The following CCDC134 variants were observed in gnomAD, a reference collection of about 807,000 sequenced individuals.
CCDC134 encodes the protein coiled-coil domain containing 134.
Under a neutral mutation model 25.6 loss-of-function variants are expected in CCDC134, and 27 were observed. The ratio of observed to expected loss-of-function variants is 1.05; its 90% confidence interval spans 0.78 to 1.45. CCDC134 has a LOEUF of 1.45. Among genes scored for constraint, CCDC134 ranks in the 40% most tolerant of loss-of-function variants. The pLI is 0.00. For missense variants in CCDC134, 261 were observed against 286.7 expected (o/e 0.91, Z 0.65); for synonymous variants, 110 against 115.0 (o/e 0.96, Z 0.28).
In CCDC134 at chr22:41,830,954, C is replaced by G. The variant is rs780582282; in HGVS notation, c.*5131C>G. Among the ~76,000 whole-genome samples, 1 of 142,034 alleles carries G rather than the reference C, an allele frequency of 7.0e-6. No homozygotes were observed. The highest frequency in any genetic ancestry group is 1.5e-5 in the Non-Finnish European group (1 of 67,168). 93.2% of individuals were successfully genotyped at this position (142,034 alleles called of 152,430 possible). Reference sequence around the variant, plus strand: ...AGGCTGGAGTGCAATGGCGCGATCTCTGCTCACCGTAACTTCTGCCTCCCG... The same window carrying G: ...AGGCTGGAGTGCAATGGCGCGATCTGTGCTCACCGTAACTTCTGCCTCCCG... On this transcript the variant is annotated 3_prime_UTR_variant, in exon 7 of 7. Transcript: ENST00000255784.
At chr22:41,812,354 G>A (rs748683745) in intron 4 of CCDC134, among the ~76,000 whole-genome samples, 3 of 151,150 alleles carry the variant, frequency 2.0e-5, no homozygotes, top group Admixed American at 6.6e-5. Flanking sequence ...CCCGCGAGGC[G>A]GAGGTTGCAG....
rs754418819 is a variant in CCDC134 at position 41,808,860 on chromosome 22, G to C, written c.-16-15G>C. The C allele has an allele frequency of 4.5e-6, 7 of 1,569,758 alleles. No individual in the cohort carries two copies. The highest frequency in any genetic ancestry group is 6.1e-6 in the Non-Finnish European group (7 of 1,139,890). Reference sequence around the variant, plus strand: ...TCTCTGAGTCTCACTCTCTTTCTTTGGGTTATTCTTCCAGCTCAAGAGGTT... The same window carrying C: ...TCTCTGAGTCTCACTCTCTTTCTTTCGGTTATTCTTCCAGCTCAAGAGGTT... On this transcript the variant is annotated splice_polypyrimidine_tract_variant and intron_variant, in intron 1 of 6. Coordinates refer to ENST00000255784, the MANE Select transcript of CCDC134 (RefSeq NM_024821.5).
At position 41,825,807 on chromosome 22, in the gene CCDC134, C is replaced by G. The variant is rs200759493; in HGVS notation, c.674C>G (p.Ser225Cys). The G allele has an allele frequency of 6.2e-7, 1 of 1,614,154 alleles. No homozygotes were observed. Among genetic ancestry groups the G allele is most frequent in the African/African-American group, 1.3e-5 (1 of 75,060 alleles). Residue 225 changes from serine (S) to cysteine (C), a missense_variant, in exon 7 of 7, where the codon TCC (serine) becomes TGC (cysteine). By Grantham distance (112) the Ser-to-Cys change is moderately radical. Transcript: ENST00000255784. The surrounding 1 kb of genome is among the most constrained non-coding windows in gnomAD (Gnocchi z 4.4). ...EIRKGPRISR[S>C]QSEL is the part of the protein sequence containing the mutation. ...CGAAAAGGCCCAAGGATCTCCAGAT[C>G]CCAGTCTGAGTTATAGCCCTGGAGC...
intron 6 of CCDC134, among the ~76,000 whole-genome samples, chr22:41,814,226 G>A (rs1353895096): frequency 1.3e-5 from 2 of 152,146 alleles, no homozygotes; most frequent in Admixed American, 1.3e-4. Flanking sequence ...AGGGGTTCCA[G>A]GGGGCTGAGG....
rs1602247399 is a variant in CCDC134, at chr22:41,825,289, C to A, written c.565-409C>A. The stretch of plus-strand genomic sequence containing the variant: ...CGCCAATGAAGTCCTCATCCTCCAC[C>A]CCCCCACTTGCCTTGTCATCTGTGA... On this transcript the variant is annotated intron_variant, in intron 6 of 6. Coordinates refer to ENST00000255784, the MANE Select transcript of CCDC134 (RefSeq NM_024821.5). This position sits in a 1 kb window ranked among gnomAD's most constrained non-coding sequence, Gnocchi z 4.4. 6.6e-6 allele frequency among the ~76,000 whole-genome samples: 1 copy of A among 151,914 alleles called. No homozygotes were observed. The highest frequency in any genetic ancestry group is 1.9e-4 in the East Asian group (1 of 5,158).
Position 41,831,600 on chromosome 22 carries a change from A to G in CCDC134, c.*5777A>G, listed in dbSNP as rs2076711242. ...TCCTCCTGCCTCGAGGCCTTTGTCC[A>G]TGTCATCATTTCCCCTTTGGCTGTA... On this transcript the variant is annotated 3_prime_UTR_variant, in exon 7 of 7. Coordinates refer to ENST00000255784, the MANE Select transcript of CCDC134 (RefSeq NM_024821.5). 6.6e-6 allele frequency: 1 copy of G among 152,210 alleles called. No homozygotes were observed. The highest frequency in any genetic ancestry group is 1.5e-5 in the Non-Finnish European group (1 of 68,044). The allele number at this position is 152,210 out of a possible 1,614,324, so 9.4% of individuals were successfully genotyped here.
intron 5 of CCDC134, 143 bp downstream of exon 5, chr22:41,813,588 G>GCCCC (rs2076608166): frequency 8.2e-7 from 1 of 1,222,492 alleles, no homozygotes; most frequent in Non-Finnish European, 1.2e-6. Flanking sequence ...GGCCACAGAG[G>GCCCC]CCCCATTTCA....
In CCDC134 at chr22:41,810,146, G is replaced by T. The variant is rs951722391; in HGVS notation, c.226-61G>T. The stretch of plus-strand genomic sequence containing the variant: ...CTTGAAGTGGGGTTTAAATAAATGG[G>T]GATGGGAGCAGTCTGTGATGGGCAC... On this transcript the variant is annotated intron_variant, in intron 3 of 6. Transcript: ENST00000255784. 4.3e-5 allele frequency: 68 copies of T among 1,596,536 alleles called. No individual in the cohort carries two copies. In the Middle Eastern group the frequency reaches 5.1e-4, roughly 12 times the overall value.
intron 6 of CCDC134, among the ~76,000 whole-genome samples, chr22:41,814,817 T>C (rs2076614856): frequency 6.6e-6 from 1 of 152,264 alleles, no homozygotes; most frequent in East Asian, 1.9e-4. Context: ...GCAAAGGCAC[T>C]AGCTAGACTG....
chr22:41,809,065 T>A, intron 2 of CCDC134, 72 bp downstream of exon 2: 1 of 1,297,586 alleles, frequency 7.7e-7, no homozygotes, highest in African/African-American at 1.5e-5. Flanking sequence ...ACTCAGGGAT[T>A]CCAGGGATAA....
rs971500835 is a variant in CCDC134 at position 41,830,580 on chromosome 22, C to G, written c.*4757C>G. ...CAGAGCAGGGTTTAGTTTTCTGTGT[C>G]TTTCAGGGTGAGACTGGTGTATTCT... On this transcript the variant is annotated 3_prime_UTR_variant, in exon 7 of 7. Coordinates refer to ENST00000255784, the MANE Select transcript of CCDC134 (RefSeq NM_024821.5). Among the ~76,000 whole-genome samples the G allele has an allele frequency of 6.6e-6, 1 of 152,232 alleles. No homozygotes were observed. The highest frequency in any genetic ancestry group is 1.5e-5 in the Non-Finnish European group (1 of 68,040).
chr22:41,804,895 C>T (rs546187970), intron 1 of CCDC134, among the ~76,000 whole-genome samples: 11 of 152,224 alleles, frequency 7.2e-5, no homozygotes, highest in Admixed American at 2.6e-4. Context: ...CATGGTGAAA[C>T]GCTGTCTCTA....
rs2076700843 is a variant in CCDC134, at chr22:41,830,578, G to A, written c.*4755G>A. Among the ~76,000 whole-genome samples, 1 of 152,216 alleles carries A rather than the reference G, an allele frequency of 6.6e-6. No homozygotes were observed. The highest frequency in any genetic ancestry group is 1.5e-5 in the Non-Finnish European group (1 of 68,036). ...TCCAGAGCAGGGTTTAGTTTTCTGT[G>A]TCTTTCAGGGTGAGACTGGTGTATT... On this transcript the variant is annotated 3_prime_UTR_variant, in exon 7 of 7. Coordinates refer to ENST00000255784, the MANE Select transcript of CCDC134 (RefSeq NM_024821.5).
chr22:41,823,967 C>T (rs1170707941), intron 6 of CCDC134, among the ~76,000 whole-genome samples: 1 of 152,240 alleles, frequency 6.6e-6, no homozygotes, highest in Non-Finnish European at 1.5e-5. Context: ...CGAGGACCTG[C>T]TGTGCTATTG....
intron 1 of CCDC134, among the ~76,000 whole-genome samples, chr22:41,803,366 T>C (rs570690031): frequency 6.6e-6 from 1 of 152,330 alleles, no homozygotes; most frequent in African/African-American, 2.4e-5. Context: ...AAGTTCAATT[T>C]TGGCTGTTCC....
In CCDC134 at chr22:41,800,746, C is replaced by T. The variant is rs1049024561; in HGVS notation, c.-37C>T. The T allele has an allele frequency of 6.6e-6, 1 of 152,356 alleles. No individual in the cohort carries two copies. The highest frequency in any genetic ancestry group is 1.5e-5 in the Non-Finnish European group (1 of 68,120). The allele number at this position is 152,356 out of a possible 1,614,324, so 9.4% of individuals were successfully genotyped here. ...CTCGCACAGGACTCGGCCACCTGCC[C>T]TTCCTGCACCGACTGGCCAGGTAGG... is the stretch of plus-strand genomic sequence containing the variant. On this transcript the variant is annotated 5_prime_UTR_variant, in exon 1 of 7. Transcript: ENST00000255784.
rs1000499079 is a variant in CCDC134, at chr22:41,831,719, C to A, written c.*5896C>A. ...CACAAGTCAGGGCCCTTGTTAGTTT[C>A]ATCACATCCATTACCTTTCCTTGAT... On this transcript the variant is annotated 3_prime_UTR_variant, in exon 7 of 7. Transcript: ENST00000255784. 1 of 152,358 alleles carries A rather than the reference C, an allele frequency of 6.6e-6. No homozygotes were observed. Among genetic ancestry groups the A allele is most frequent in the Non-Finnish European group, 1.5e-5 (1 of 68,038 alleles). The allele number at this position is 152,358 out of a possible 1,614,324, so 9.4% of individuals were successfully genotyped here.
intron 4 of CCDC134, among the ~76,000 whole-genome samples, chr22:41,812,492 T>TA (rs1291987277): frequency 6.6e-6 from 1 of 151,534 alleles, no homozygotes; most frequent in Admixed American, 6.6e-5. Flanking sequence ...TATGTTATGT[T>TA]ATGTTAAGTC....
intron 1 of CCDC134, among the ~76,000 whole-genome samples, chr22:41,801,827 T>C (rs2076545145): frequency 6.6e-6 from 1 of 152,194 alleles, no homozygotes. Context: ...TACTTGGGAA[T>C]AGACATTGTA....
Sources: allele counts gnomAD v4.1 joint callset (sites outside exome capture counted in the v4.1 genomes callset), GRCh38; gene constraint gnomAD v4.1.1; non-coding constraint Gnocchi (gnomAD v3.1); transcripts MANE v1.5; gene names NCBI Gene and HGNC (gene_info 2026-07-23, HGNC 2026-07-21).